The following TMEFF2 variants were observed in gnomAD, a reference collection of about 807,000 sequenced individuals.
The protein encoded by TMEFF2 is tomoregulin-2.
TMEFF2 carries 28 observed loss-of-function variants against 53.8 expected under a neutral mutation model. That is an observed-to-expected ratio of 0.52 (90% CI 0.39 to 0.71). The LOEUF (loss-of-function observed/expected upper bound fraction) is 0.71, where lower values mean the gene tolerates loss of function less well. TMEFF2 is among the 30% of genes least tolerant of loss of function. The pLI is 0.00. For missense variants in TMEFF2, 353 were observed against 455.2 expected (o/e 0.78, Z 2.04); for synonymous variants, 162 against 166.3 (o/e 0.97, Z 0.20).
chr2:192,064,694 C>T (rs1348003780), intron 4 of TMEFF2, among the ~76,000 whole-genome samples: 1 of 151,844 alleles, frequency 6.6e-6, no homozygotes, highest in African/African-American at 2.4e-5. Context: ...AGTTTTCTGA[C>T]ATGCTTTTGC....
At chr2:192,155,787 G>A (rs1353137682) in intron 4 of TMEFF2, among the ~76,000 whole-genome samples, 6 of 151,898 alleles carry the variant, frequency 4.0e-5, no homozygotes. Flanking sequence ...CAGAGGCCTG[G>A]TTTTATTTAC....
At chr2:192,056,765 G>A (rs906955144) in intron 5 of TMEFF2, among the ~76,000 whole-genome samples, 1 of 152,046 alleles carries the variant, frequency 6.6e-6, no homozygotes, top group African/African-American at 2.4e-5. Context: ...AGGCGATTAG[G>A]TTATGGGGGT....
In TMEFF2 at chr2:192,051,230, G is replaced by GTTTTT. The variant is rs10666491; in HGVS notation, c.536+6444_536+6448dup. On this transcript the variant is annotated intron_variant, in intron 5 of 9. Coordinates refer to ENST00000272771, the MANE Select transcript of TMEFF2 (RefSeq NM_016192.4). ...AGCAGATCTATTATCTTTTTTCTGG[G>GTTTTT]TTTTTTTTTTTCATTGTCTCCATGA... 5.2e-3 allele frequency among the ~76,000 whole-genome samples: 758 copies of GTTTTT among 145,594 alleles called. 6 individuals are homozygous for GTTTTT. The highest frequency in any genetic ancestry group is 0.022 in the Middle Eastern group (6 of 278).
rs541369836 is a variant in TMEFF2, at chr2:192,123,934, A to G, written c.439+55734T>C. Among the ~76,000 whole-genome samples the G allele has an allele frequency of 7.2e-5, 11 of 152,372 alleles. No individual in the cohort carries two copies. In the South Asian group the frequency reaches 1.4e-3, roughly 20 times the overall value. On this transcript the variant is annotated intron_variant, in intron 4 of 9. Coordinates refer to ENST00000272771, the MANE Select transcript of TMEFF2 (RefSeq NM_016192.4). ...GAAATAAGAAAATGTTTGAATTTTC[A>G]ACTCACTCCTTTCTGTTGTGACATT...
intron 5 of TMEFF2, among the ~76,000 whole-genome samples, chr2:192,015,404 A>G (rs1269892087): frequency 6.7e-6 from 1 of 149,760 alleles, no homozygotes; most frequent in Non-Finnish European, 1.5e-5. Flanking sequence ...ATTCAGCTAC[A>G]TAATCTGCGA....
intron 4 of TMEFF2, among the ~76,000 whole-genome samples, chr2:192,092,124 T>C (rs994311743): frequency 6.6e-6 from 1 of 152,164 alleles, no homozygotes; most frequent in Non-Finnish European, 1.5e-5. Flanking sequence ...TGGCTAGATA[T>C]TATATTCAAG....
intron 4 of TMEFF2, chr2:192,177,822 C>T (rs540335952): frequency 6.6e-6 from 1 of 150,970 alleles, no homozygotes; most frequent in Admixed American, 6.6e-5. Context: ...CACAAGACAA[C>T]ATAATGAACC....
At chr2:192,170,135 A>G (rs923046210) in intron 4 of TMEFF2, among the ~76,000 whole-genome samples, 1 of 152,042 alleles carries the variant, frequency 6.6e-6, no homozygotes, top group Admixed American at 6.6e-5. Context: ...AACACTGTAA[A>G]ACTCTCTAAC....
In TMEFF2 at chr2:191,949,494, T is replaced by G. The variant is rs898584434; in HGVS notation, c.*817A>C. On this transcript the variant is annotated 3_prime_UTR_variant, in exon 10 of 10. Transcript: ENST00000272771. ...TTTTGGTGTTTCACATCTAGTGGTG[T>G]TATTACATTTTTCCCCTGGTAATTC... is the stretch of plus-strand genomic sequence containing the variant. 3.0e-6 allele frequency: 3 copies of G among 985,304 alleles called. No homozygotes were observed. The highest frequency in any genetic ancestry group is 1.7e-5 in the African/African-American group (1 of 57,228). The allele number at this position is 985,304 out of a possible 1,614,324, so 61.0% of individuals were successfully genotyped here.
intron 5 of TMEFF2, among the ~76,000 whole-genome samples, chr2:192,045,667 C>T (rs1020315886): frequency 6.6e-6 from 1 of 152,130 alleles, no homozygotes; most frequent in African/African-American, 2.4e-5. Flanking sequence ...GACTCCTACT[C>T]ACCAAGACCA....
In TMEFF2 at chr2:191,949,304, ATC is replaced by A. The variant is rs1054617378; in HGVS notation, c.*1005_*1006del. ...CTCACCACATAAATATGCTCAAAAC[ATC>A]TCTCTGTTTTCATGAAATATCGTCA... On this transcript the variant is annotated 3_prime_UTR_variant, in exon 10 of 10. Transcript: ENST00000272771. The A allele has an allele frequency of 2.1e-5, 21 of 985,342 alleles. No individual in the cohort carries two copies. In the African/African-American group the frequency reaches 2.8e-4, roughly 13 times the overall value. The allele number at this position is 985,342 out of a possible 1,614,324, so 61.0% of individuals were successfully genotyped here.
intron 4 of TMEFF2, among the ~76,000 whole-genome samples, chr2:192,076,098 G>T (rs891972194): frequency 6.6e-6 from 1 of 151,874 alleles, no homozygotes; most frequent in African/African-American, 2.4e-5. Flanking sequence ...CACAGAGTAG[G>T]TATTTAGGGA....
intron 7 of TMEFF2, among the ~76,000 whole-genome samples, chr2:191,988,127 C>G (rs1473603258): frequency 1.3e-5 from 2 of 152,146 alleles, no homozygotes; most frequent in African/African-American, 4.8e-5. Context: ...GACACATAAG[C>G]ATTAATAGTT....
chr2:192,141,459 G>GAAAAAAAAAA (rs397987092), intron 4 of TMEFF2, among the ~76,000 whole-genome samples: 2 of 107,228 alleles, frequency 1.9e-5, no homozygotes, highest in African/African-American at 3.7e-5. Context: ...TCTCAAAAAA[G>GAAAAAAAAAA]AAAAAAAAAA....
intron 5 of TMEFF2, among the ~76,000 whole-genome samples, chr2:192,019,119 A>G (rs1283022652): frequency 6.6e-6 from 1 of 152,146 alleles, no homozygotes; most frequent in African/African-American, 2.4e-5. Flanking sequence ...TTTTTCTATT[A>G]GACTGCCACT....
intron 4 of TMEFF2, among the ~76,000 whole-genome samples, chr2:192,172,885 T>G (rs1690949898): frequency 6.6e-6 from 1 of 151,948 alleles, no homozygotes; most frequent in South Asian, 2.1e-4. Flanking sequence ...TGCAGACTAG[T>G]TTCCTTCCTT....
chr2:192,056,773 G>T (rs1055479760), intron 5 of TMEFF2, among the ~76,000 whole-genome samples: 1 of 151,988 alleles, frequency 6.6e-6, no homozygotes, highest in Admixed American at 6.6e-5. Flanking sequence ...AGGTTATGGG[G>T]GTGAAGCCTT....
chr2:192,129,101 A>G (rs779429570), intron 4 of TMEFF2, among the ~76,000 whole-genome samples: 3 of 152,194 alleles, frequency 2.0e-5, no homozygotes, highest in Non-Finnish European at 4.4e-5. Context: ...TAGGTATTCT[A>G]GCTCTGGTGC....
intron 4 of TMEFF2, among the ~76,000 whole-genome samples, chr2:192,101,237 G>T (rs1689024722): frequency 6.6e-6 from 1 of 152,080 alleles, no homozygotes; most frequent in South Asian, 2.1e-4. Context: ...TCACTGCAGG[G>T]CTGGAAGAGA....
Sources: allele counts gnomAD v4.1 joint callset (sites outside exome capture counted in the v4.1 genomes callset), GRCh38; gene constraint gnomAD v4.1.1; transcripts MANE v1.5; gene names NCBI Gene and HGNC (gene_info 2026-07-23, HGNC 2026-07-21).